PCBP3: variants seen among roughly 807,000 people sequenced by gnomAD.
PCBP3 encodes the protein poly(rC)-binding protein 3.
A neutral mutation model predicts 52.7 loss-of-function variants in PCBP3; 25 were observed. That is an observed-to-expected ratio of 0.47 (90% CI 0.35 to 0.66). PCBP3 has a LOEUF of 0.66. Among genes scored for constraint, PCBP3 ranks in the 30% least tolerant of loss-of-function variants. The pLI is 0.01. For synonymous variants in PCBP3, 162 were observed against 183.0 expected, an observed-to-expected ratio of 0.89 and a Z score of 0.93; for missense variants, 391 against 490.3, an observed-to-expected ratio of 0.80 and a Z score of 1.91.
chr21:45,715,463 T>A (rs1422230693), intron 2 of PCBP3, among the ~76,000 whole-genome samples: 2 of 152,212 alleles, frequency 1.3e-5, no homozygotes. Flanking sequence ...TATCACTAAT[T>A]TCAGAACATT....
intron 4 of PCBP3, among the ~76,000 whole-genome samples, chr21:45,819,535 G>A (rs1040841342): frequency 6.6e-5 from 10 of 152,252 alleles, no homozygotes; most frequent in African/African-American, 1.4e-4. Flanking sequence ...GGCCGAGGCC[G>A]GCAGCCACTG....
rs1455804069 is a variant in PCBP3 at position 45,837,587 on chromosome 21, G to A, written c.-125-12374G>A. The stretch of plus-strand genomic sequence containing the variant: ...GCCTCTTGGGGGTAGCGGCTGTGTG[G>A]AATGCCTGCGTTCTGGATTTGGCTG... On this transcript the variant is annotated intron_variant, in intron 4 of 17. Coordinates refer to ENST00000681687, the MANE Select transcript of PCBP3 (RefSeq NM_001384156.1). This position sits in a 1 kb window ranked among gnomAD's most constrained non-coding sequence, Gnocchi z 4.1. Among the ~76,000 whole-genome samples the A allele has an allele frequency of 6.6e-6, 1 of 152,232 alleles. No individual in the cohort carries two copies. Among genetic ancestry groups the A allele is most frequent in the African/African-American group, 2.4e-5 (1 of 41,458 alleles).
intron 5 of PCBP3, among the ~76,000 whole-genome samples, chr21:45,856,815 G>A (rs2094316358): frequency 6.6e-6 from 1 of 152,250 alleles, no homozygotes; most frequent in South Asian, 2.1e-4. Flanking sequence ...TCACTTTAGG[G>A]AGGCATGAGA....
chr21:45,813,860 C>G (rs1282035071), intron 4 of PCBP3, among the ~76,000 whole-genome samples: 1 of 152,184 alleles, frequency 6.6e-6, no homozygotes, highest in Non-Finnish European at 1.5e-5. Context: ...TGATATTGGA[C>G]CATGTTTTTC....
chr21:45,762,491 CTTTT>C (rs374275789), intron 4 of PCBP3: 8 of 104,692 alleles, frequency 7.6e-5, no homozygotes, highest in African/African-American at 1.3e-4. Flanking sequence ...CTTTTCTTCT[CTTTT>C]TTTTTTTTTT....
chr21:45,851,021 G>A (rs2093975916), intron 5 of PCBP3, among the ~76,000 whole-genome samples: 1 of 152,170 alleles, frequency 6.6e-6, no homozygotes, highest in Non-Finnish European at 1.5e-5. Flanking sequence ...CTAAAGCAGT[G>A]CTTAGAAGGA....
intron 4 of PCBP3, among the ~76,000 whole-genome samples, chr21:45,819,272 G>T (rs2093057159): frequency 6.6e-6 from 1 of 152,212 alleles, no homozygotes. Flanking sequence ...TCTGTGTTTT[G>T]TGCTCAGTTT....
chr21:45,938,356 C>T (rs1361256892), intron 16 of PCBP3, among the ~76,000 whole-genome samples: 1 of 152,212 alleles, frequency 6.6e-6, no homozygotes, highest in Admixed American at 6.5e-5. Context: ...TGCTCTCCCT[C>T]CTGGATGTTG....
At chr21:45,774,339 G>A (rs529163078) in intron 4 of PCBP3, among the ~76,000 whole-genome samples, 29 of 150,350 alleles carry the variant, frequency 1.9e-4, no homozygotes, top group Non-Finnish European at 3.7e-4. Flanking sequence ...CCTGTGAACC[G>A]AGATTGCGCC....
In PCBP3 at chr21:45,917,270, C is replaced by G; in HGVS notation, c.676-318C>G. On this transcript the variant is annotated intron_variant, in intron 12 of 17. Coordinates refer to ENST00000681687, the MANE Select transcript of PCBP3 (RefSeq NM_001384156.1). The surrounding 1 kb of genome is among the most constrained non-coding windows in gnomAD (Gnocchi z 5.3). ...CAAAACCGTAATAATTAGTGGAGAC[C>G]TCTTACTGGGCAGATCACTCTTCGA... The G allele has an allele frequency of 3.4e-6, 1 of 297,848 alleles. No homozygotes were observed. Among genetic ancestry groups the G allele is most frequent in the Non-Finnish European group, 6.2e-6 (1 of 161,194 alleles). The allele number at this position is 297,848 out of a possible 1,614,324, so 18.5% of individuals were successfully genotyped here. A position where few individuals can be genotyped will look rare whatever the true frequency, so the allele number is the denominator to read the frequency against.
rs2093334793 is a variant in PCBP3 at position 45,827,322 on chromosome 21, A to G, written c.-125-22639A>G. Among the ~76,000 whole-genome samples, 1 of 152,178 alleles carries G rather than the reference A, an allele frequency of 6.6e-6. No homozygotes were observed. The highest frequency in any genetic ancestry group is 1.5e-5 in the Non-Finnish European group (1 of 68,032). On this transcript the variant is annotated intron_variant, in intron 4 of 17. Transcript: ENST00000681687. This position sits in a 1 kb window ranked among gnomAD's most constrained non-coding sequence, Gnocchi z 4.3. ...AGGAGGCCGGTGAAAATGAGATAAA[A>G]GAAGATCTGGACATGATCATCACGT...
intron 3 of PCBP3, among the ~76,000 whole-genome samples, chr21:45,753,145 A>G (rs1217290746): frequency 6.7e-6 from 1 of 150,112 alleles, no homozygotes. Context: ...AAAAAAAAAA[A>G]AAAAAAAAAA....
intron 4 of PCBP3, among the ~76,000 whole-genome samples, chr21:45,782,621 A>C (rs1033449164): frequency 6.6e-6 from 1 of 152,246 alleles, no homozygotes; most frequent in Non-Finnish European, 1.5e-5. Flanking sequence ...AAATATTTGA[A>C]GACATAAAGA....
At chr21:45,878,101 C>T (rs2095310673) in intron 5 of PCBP3, among the ~76,000 whole-genome samples, 1 of 152,270 alleles carries the variant, frequency 6.6e-6, no homozygotes, top group African/African-American at 2.4e-5. Context: ...TTGGCATTTG[C>T]TCCACCTTCC....
Position 45,725,993 on chromosome 21 carries a change from A to G in PCBP3, c.-199-9399A>G, listed in dbSNP as rs1411831237. ...ACAGCATGGCCCCAGGCCCCACTGC[A>G]GAGGCTCGCCCTGGCTGTCGGGAAG... On this transcript the variant is annotated intron_variant, in intron 2 of 17. Coordinates refer to ENST00000681687, the MANE Select transcript of PCBP3 (RefSeq NM_001384156.1). 2.6e-5 allele frequency among the ~76,000 whole-genome samples: 4 copies of G among 152,132 alleles called. No individual in the cohort carries two copies. In the East Asian group the frequency reaches 7.7e-4, roughly 29 times the overall value.
At chr21:45,653,163 A>G (rs910192772) in intron 1 of PCBP3, among the ~76,000 whole-genome samples, 1 of 152,238 alleles carries the variant, frequency 6.6e-6, no homozygotes, top group Non-Finnish European at 1.5e-5. Flanking sequence ...CTTGTAGCCC[A>G]GAATATGGTA....
In PCBP3 at chr21:45,941,768, G is replaced by T; in HGVS notation, c.*62G>T. 1 of 1,419,488 alleles carries T rather than the reference G, an allele frequency of 7.0e-7. No individual in the cohort carries two copies. The highest frequency in any genetic ancestry group is 9.8e-7 in the Non-Finnish European group (1 of 1,024,828). The allele number at this position is 1,419,488 out of a possible 1,614,324, so 87.9% of individuals were successfully genotyped here. On this transcript the variant is annotated 3_prime_UTR_variant, in exon 18 of 18. Coordinates refer to ENST00000681687, the MANE Select transcript of PCBP3 (RefSeq NM_001384156.1). Reference sequence around the variant, plus strand: ...CCAGAGCCTAAGGCCCCCGGCTCTCGCACTCTGTACAGCCCACCTTCCCTG... The same window carrying T: ...CCAGAGCCTAAGGCCCCCGGCTCTCTCACTCTGTACAGCCCACCTTCCCTG...
At chr21:45,700,746 A>G (rs985516624) in intron 2 of PCBP3, among the ~76,000 whole-genome samples, 6 of 152,118 alleles carry the variant, frequency 3.9e-5, no homozygotes, top group African/African-American at 1.4e-4. Context: ...TCCAGCCTAC[A>G]TGAAGGCTGG....
Position 45,658,118 on chromosome 21 carries a change from C to T in PCBP3, c.-278-10756C>T, listed in dbSNP as rs190897120. ...TTGTTGAGTGTTATTATCATGAAAGCGTGTTGAATGTTGTCAGATGCTTTT... is the reference window on the plus strand; with the variant it reads ...TTGTTGAGTGTTATTATCATGAAAGTGTGTTGAATGTTGTCAGATGCTTTT... On this transcript the variant is annotated intron_variant, in intron 1 of 17. Transcript: ENST00000681687. Among the ~76,000 whole-genome samples the T allele has an allele frequency of 1.8e-3, 276 of 152,172 alleles. 1 individual carries two copies. Among genetic ancestry groups the T allele is most frequent in the African/African-American group, 6.3e-3 (263 of 41,514 alleles).
Sources: gnomAD v4.1 joint callset for allele counts (sites outside exome capture counted in the v4.1 genomes callset) on GRCh38, gnomAD v4.1.1 for gene constraint, Gnocchi (gnomAD v3.1) non-coding constraint, MANE v1.5 for transcripts, NCBI Gene and HGNC (gene_info 2026-07-23, HGNC 2026-07-21) for gene names.